The following SMG1 variants were observed in gnomAD, a reference collection of about 807,000 sequenced individuals.
SMG1 encodes the protein SMG1 nonsense mediated mRNA decay associated PI3K related kinase.
A neutral mutation model predicts 419.9 loss-of-function variants in SMG1; 22 were observed. The observed-to-expected ratio is 0.05, with a 90% CI of 0.04 to 0.07. SMG1 has a LOEUF of 0.07. Among genes scored for constraint, SMG1 ranks in the 10% least tolerant of loss-of-function variants. The pLI is 1.00. For missense variants in SMG1, 3,185 were observed against 4,342.0 expected (o/e 0.73, Z 7.49); for synonymous variants, 1,538 against 1,553.5 (o/e 0.99, Z 0.23).
chr16:18,922,302 G>A (rs1232290917), intron 1 of SMG1, among the ~76,000 whole-genome samples: 1 of 152,166 alleles, frequency 6.6e-6, no homozygotes, highest in Non-Finnish European at 1.5e-5. Flanking sequence ...GGAGTAAAGA[G>A]GGCAACCTCC....
rs1324226983 is a variant in SMG1, at chr16:18,849,180, T to C, written c.5623+37A>G. ...CTCACTAAAATTATTGGCACAGTCA[T>C]TTATACTCAAAGTAGCAATATTTGA... is the stretch of plus-strand genomic sequence containing the variant. On this transcript the variant is annotated intron_variant, in intron 36 of 62. Coordinates refer to ENST00000446231, the MANE Select transcript of SMG1 (RefSeq NM_015092.5). 3.5e-6 allele frequency: 5 copies of C among 1,448,094 alleles called. No homozygotes were observed. The Admixed American group carries it at 6.0e-5, about 17-fold the overall frequency. The allele number at this position is 1,448,094 out of a possible 1,614,324, so 89.7% of individuals were successfully genotyped here. A position where few individuals can be genotyped will look rare whatever the true frequency, so the allele number is the denominator to read the frequency against.
chr16:18,913,534 C>T (rs1269792357), intron 1 of SMG1, among the ~76,000 whole-genome samples: 3 of 151,604 alleles, frequency 2.0e-5, no homozygotes, highest in Non-Finnish European at 4.4e-5. Flanking sequence ...CAAATGTGGA[C>T]GAAAAGCTAA....
chr16:18,893,499 C>T (rs1368167423), intron 3 of SMG1, among the ~76,000 whole-genome samples: 1 of 152,168 alleles, frequency 6.6e-6, no homozygotes, highest in African/African-American at 2.4e-5. Flanking sequence ...GTGGCACATG[C>T]CTGTAATCCC....
At chr16:18,874,608 G>GT (rs1393087344) in intron 13 of SMG1, among the ~76,000 whole-genome samples, 5 of 144,854 alleles carry the variant, frequency 3.5e-5, no homozygotes, top group Non-Finnish European at 7.5e-5. Flanking sequence ...GCTCACGCCT[G>GT]TAATTCCAGC....
At chr16:18,845,791 A>C (rs2606545) in intron 38 of SMG1, 140 bp from the exon 39 acceptor site, 108,679 of 663,672 alleles carry the variant, frequency 0.16, 9,554 homozygotes, top group Middle Eastern at 0.24. Context: ...ACATATTCAC[A>C]AAGTAAATTA....
At chr16:18,893,965 G>A (rs1373083188) in intron 3 of SMG1, among the ~76,000 whole-genome samples, 2 of 151,986 alleles carry the variant, frequency 1.3e-5, no homozygotes, top group South Asian at 2.1e-4. Context: ...GCTGAGGCAG[G>A]AGAATCATTT....
At chr16:18,887,939 G>A (rs1342894928) in intron 6 of SMG1, among the ~76,000 whole-genome samples, 1 of 151,478 alleles carries the variant, frequency 6.6e-6, no homozygotes, top group Non-Finnish European at 1.5e-5. Flanking sequence ...GCCGAGGCAG[G>A]AGGATCACTT....
chr16:18,890,718 A>G, intron 5 of SMG1, 145 bp downstream of exon 5: 1 of 618,448 alleles, frequency 1.6e-6, no homozygotes, highest in South Asian at 1.9e-5. Context: ...CACATAATTA[A>G]TGCAGATAAA....
chr16:18,919,304 G>A (rs572353624), intron 1 of SMG1, among the ~76,000 whole-genome samples: 1 of 151,544 alleles, frequency 6.6e-6, no homozygotes, highest in Non-Finnish European at 1.5e-5. Flanking sequence ...TTCAGCCTGG[G>A]CAACACAGTG....
intron 1 of SMG1, among the ~76,000 whole-genome samples, chr16:18,906,559 T>C (rs1415324517): frequency 6.6e-6 from 1 of 152,142 alleles, no homozygotes; most frequent in Non-Finnish European, 1.5e-5. Context: ...TTCCATCTAC[T>C]TCCACCTTAC....
At chr16:18,832,542 TA>T (rs1352240867) in intron 51 of SMG1, among the ~76,000 whole-genome samples, 1 of 151,334 alleles carries the variant, frequency 6.6e-6, no homozygotes, top group African/African-American at 2.4e-5. Flanking sequence ...CTACAAGCAC[TA>T]AAAGGATATA....
At chr16:18,836,636 C>T (rs1427447982) in intron 46 of SMG1, 104 bp from the exon 47 acceptor site, 2 of 1,199,788 alleles carry the variant, frequency 1.7e-6, no homozygotes, top group East Asian at 2.4e-5. Flanking sequence ...TGGTACGCTC[C>T]TTGTTCACCT....
chr16:18,819,659 A>C lies in SMG1; in HGVS notation c.9742-5T>G. 6.5e-7 allele frequency: 1 copy of C among 1,548,570 alleles called. No individual in the cohort carries two copies. Among genetic ancestry groups the C allele is most frequent in the Admixed American group, 2.1e-5 (1 of 48,556 alleles). The stretch of plus-strand genomic sequence containing the variant: ...TTCAAGTGCAGCTAGCTTCTCCTAT[A>C]AAAGCCAGCAGAATCTTGGTGAAGG... On this transcript the variant is annotated splice_region_variant and splice_polypyrimidine_tract_variant and intron_variant, in intron 55 of 62. Transcript: ENST00000446231.
chr16:18,842,101 T>C (rs1255754551), intron 40 of SMG1, 107 bp downstream of exon 40: 27 of 1,233,500 alleles, frequency 2.2e-5, no homozygotes, highest in African/African-American at 1.5e-5. Context: ...AATAATGACA[T>C]ACAGAAATTC....
chr16:18,816,267 GGA>G, intron 58 of SMG1, 33 bp downstream of exon 58: 1 of 1,490,070 alleles, frequency 6.7e-7, no homozygotes, highest in Non-Finnish European at 9.2e-7. Context: ...TATAACAGAG[GGA>G]GAGTAAATGT....
At chr16:18,853,454 AAAAT>A in intron 31 of SMG1, 125 bp downstream of exon 31, 1 of 865,724 alleles carries the variant, frequency 1.2e-6, no homozygotes, top group Non-Finnish European at 1.7e-6. Flanking sequence ...TCCCAACAAT[AAAAT>A]AAACTCAACT....
chr16:18,834,808 A>G (rs933338809), intron 49 of SMG1, 84 bp downstream of exon 49: 2 of 1,435,442 alleles, frequency 1.4e-6, no homozygotes, highest in African/African-American at 2.8e-5. Flanking sequence ...ACTTGGCAAG[A>G]CTAAGGAAAG....
At chr16:18,840,011 T>G (rs1331365406) in intron 41 of SMG1, 65 bp from the exon 42 acceptor site, 12 of 1,304,210 alleles carry the variant, frequency 9.2e-6, no homozygotes, top group Non-Finnish European at 1.1e-5. Context: ...AAGAGTGCCT[T>G]TTGTATGTAA....
chr16:18,903,126 T>C (rs947061348), intron 1 of SMG1, among the ~76,000 whole-genome samples: 2 of 152,148 alleles, frequency 1.3e-5, no homozygotes, highest in African/African-American at 4.8e-5. Context: ...CACCCGGCCA[T>C]AAATTTTGTT....
Sources: allele counts gnomAD v4.1 joint callset (sites outside exome capture counted in the v4.1 genomes callset), GRCh38; gene constraint gnomAD v4.1.1; transcripts MANE v1.5; gene names NCBI Gene and HGNC (gene_info 2026-07-23, HGNC 2026-07-21).